The following IKBKB variants were observed in gnomAD, a reference collection of about 807,000 sequenced individuals.
The protein encoded by IKBKB is inhibitor of nuclear factor kappa-B kinase subunit beta.
A neutral mutation model predicts 113.6 loss-of-function variants in IKBKB; 42 were observed. The observed-to-expected ratio is 0.37, with a 90% confidence interval of 0.29 to 0.48. The LOEUF (loss-of-function observed/expected upper bound fraction) is 0.48. Ranked by LOEUF, IKBKB falls within the 20% of genes least tolerant of loss-of-function variation. The pLI is 0.99. For synonymous variants in IKBKB, 296 were observed against 361.3 expected, an observed-to-expected ratio of 0.82 and a Z score of 2.05; for missense variants, 673 against 939.7, an observed-to-expected ratio of 0.72 and a Z score of 3.71.
At chr8:42,314,279 C>A in intron 8 of IKBKB, 43 bp from the exon 9 acceptor site, 1 of 1,344,992 alleles carries the variant, frequency 7.4e-7, no homozygotes, top group Non-Finnish European at 1.1e-6. Context: ...GTGTCCCCGT[C>A]ATAGCAACGT....
chr8:42,321,678 T>G, intron 16 of IKBKB: 1 of 510,786 alleles, frequency 2.0e-6, no homozygotes, highest in Non-Finnish European at 3.5e-6. Flanking sequence ...CATGCCACCA[T>G]GCTCAGCTAA....
chr8:42,291,071 G>A (rs1395204454), intron 4 of IKBKB, among the ~76,000 whole-genome samples: 3 of 152,226 alleles, frequency 2.0e-5, no homozygotes, highest in Non-Finnish European at 2.9e-5. Context: ...TCACACAGCT[G>A]TAGCAGCAGA....
At chr8:42,307,750 T>C (rs1466408849) in intron 7 of IKBKB, among the ~76,000 whole-genome samples, 3 of 152,096 alleles carry the variant, frequency 2.0e-5, no homozygotes, top group Non-Finnish European at 4.4e-5. Flanking sequence ...GACCCCATGC[T>C]CTAACCAGGA....
At chr8:42,295,640 C>T (rs1004353595) in intron 5 of IKBKB, among the ~76,000 whole-genome samples, 1 of 152,010 alleles carries the variant, frequency 6.6e-6, no homozygotes, top group African/African-American at 2.4e-5. Context: ...CAGAAAACTG[C>T]TTGAACCCAG....
chr8:42,317,336 C>T (rs897766140), intron 11 of IKBKB: 3 of 432,794 alleles, frequency 6.9e-6, no homozygotes, highest in Non-Finnish European at 1.3e-5. Flanking sequence ...GACCTCTGCT[C>T]AAAAAGACCT....
chr8:42,313,597 G>A (rs576057164), intron 8 of IKBKB, among the ~76,000 whole-genome samples: 21 of 152,284 alleles, frequency 1.4e-4, no homozygotes, highest in Non-Finnish European at 2.5e-4. Flanking sequence ...TGTAAATGTC[G>A]TATGCATGCT....
intron 14 of IKBKB, 36 bp downstream of exon 14, chr8:42,319,457 A>G (rs1563358751): frequency 6.3e-7 from 1 of 1,596,048 alleles, no homozygotes; most frequent in Non-Finnish European, 8.6e-7. Flanking sequence ...TAAAGACACC[A>G]TTTTTTTTTC....
chr8:42,290,009 C>T lies in IKBKB; in HGVS notation c.201-147C>T, dbSNP rs1227123980. 8.0e-5 allele frequency: 48 copies of T among 602,252 alleles called. 1 individual carries two copies. The highest frequency in any genetic ancestry group is 6.6e-4 in the South Asian group (33 of 50,144). The allele number at this position is 602,252 out of a possible 1,614,324, so 37.3% of individuals were successfully genotyped here. A position where few individuals can be genotyped will look rare whatever the true frequency, so the allele number is the denominator to read the frequency against. Reference sequence around the variant, plus strand: ...GTGAGCGCCACTGACCCAGGCATTGCGGTTGGCCACCCGTCCTGGGCTCTG... The same window carrying T: ...GTGAGCGCCACTGACCCAGGCATTGTGGTTGGCCACCCGTCCTGGGCTCTG... On this transcript the variant is annotated intron_variant, in intron 3 of 21. Coordinates refer to ENST00000520810, the MANE Select transcript of IKBKB (RefSeq NM_001556.3).
intron 8 of IKBKB, among the ~76,000 whole-genome samples, chr8:42,310,606 T>C (rs1350526771): frequency 2.0e-5 from 3 of 152,212 alleles, no homozygotes; most frequent in Non-Finnish European, 2.9e-5. Context: ...ACTTAAATAG[T>C]ACTGCATAGT....
rs199990196 is a variant in IKBKB at position 42,306,450 on chromosome 8, C to T, written c.567+18C>T. 1 of 1,528,332 alleles carries T rather than the reference C, an allele frequency of 6.5e-7. No individual in the cohort carries two copies. The highest frequency in any genetic ancestry group is 2.3e-5 in the East Asian group (1 of 44,440). The allele number at this position is 1,528,332 out of a possible 1,614,324, so 94.7% of individuals were successfully genotyped here. A position where few individuals can be genotyped will look rare whatever the true frequency, so the allele number is the denominator to read the frequency against. On this transcript the variant is annotated intron_variant, in intron 7 of 21. Coordinates refer to ENST00000520810, the MANE Select transcript of IKBKB (RefSeq NM_001556.3). ...AGTACCTGGTAAGAAGTGGGCCTTG[C>T]CTGTTTGCCTGTCAGCTCCTCCCTG... is the stretch of plus-strand genomic sequence containing the variant.
In IKBKB at chr8:42,318,756, A is replaced by T. The variant is rs1255925887; in HGVS notation, c.1364+81A>T. 5.1e-6 allele frequency: 7 copies of T among 1,374,940 alleles called. No individual in the cohort carries two copies. The East Asian group carries it at 1.7e-4, about 34-fold the overall frequency. 85.2% of individuals were successfully genotyped at this position (1,374,940 alleles called of 1,614,324 possible). ...TTGGCCACAGGGAGGTGGTTGAGGCAGGGACCCAGAAGCAACCGTTATGAG... is the reference window on the plus strand; with the variant it reads ...TTGGCCACAGGGAGGTGGTTGAGGCTGGGACCCAGAAGCAACCGTTATGAG... On this transcript the variant is annotated intron_variant, in intron 13 of 21. Transcript: ENST00000520810.
intron 5 of IKBKB, among the ~76,000 whole-genome samples, chr8:42,302,364 A>T (rs994397759): frequency 1.3e-5 from 2 of 152,196 alleles, no homozygotes; most frequent in South Asian, 2.1e-4. Context: ...CATTAATTGG[A>T]CCTAAGCTGA....
intron 19 of IKBKB, among the ~76,000 whole-genome samples, chr8:42,323,960 A>ATG (rs1820256142): frequency 1.3e-5 from 2 of 152,230 alleles, no homozygotes; most frequent in Admixed American, 1.3e-4. Flanking sequence ...AGACAGAGGC[A>ATG]TGAGTGAGAG....
intron 19 of IKBKB, chr8:42,325,308 C>A (rs1820533527): frequency 7.1e-6 from 7 of 985,394 alleles, no homozygotes; most frequent in Non-Finnish European, 8.4e-6. Flanking sequence ...AGGATGCAAG[C>A]CACAGGAATT....
chr8:42,326,065 C>T lies in IKBKB; in HGVS notation c.2082C>T (p.Ala694=), dbSNP rs188191356. The T allele has an allele frequency of 1.9e-5, 30 of 1,614,228 alleles. No individual in the cohort carries two copies. The African/African-American group carries it at 2.7e-4, about 14-fold the overall frequency. ...AGCTGATGTCTCAGCCCTCCACGGC[C>T]TCCAACAGCTTACCTGAGCCAGCCA... ...PGQLMSQPST[A]SNSLPEPAKK... Residue 694 remains alanine, a synonymous_variant, in exon 20 of 22, where the codon GCC becomes GCT. Coordinates refer to ENST00000520810, the MANE Select transcript of IKBKB (RefSeq NM_001556.3).
At chr8:42,285,413 T>A (rs920898384) in intron 2 of IKBKB, among the ~76,000 whole-genome samples, 5 of 151,938 alleles carry the variant, frequency 3.3e-5, no homozygotes, top group Non-Finnish European at 5.9e-5. Flanking sequence ...AAAAATTAGC[T>A]GGACACAATG....
intron 5 of IKBKB, among the ~76,000 whole-genome samples, chr8:42,301,368 T>C (rs1815179083): frequency 5.3e-5 from 8 of 152,254 alleles, no homozygotes. Context: ...TCTCAATGTC[T>C]CATTTTTCAT....
intron 1 of IKBKB, 32 bp downstream of exon 1, chr8:42,271,501 C>G: frequency 1.3e-6 from 1 of 783,076 alleles, no homozygotes; most frequent in Admixed American, 2.7e-5. Flanking sequence ...GGCCCGGGTG[C>G]CACCTGCAGG....
chr8:42,326,222 A>T, intron 20 of IKBKB, 125 bp downstream of exon 20: 2 of 1,192,384 alleles, frequency 1.7e-6, no homozygotes, highest in Non-Finnish European at 2.3e-6. Flanking sequence ...TGTTTGTTGC[A>T]TCTGCTGGGT....
Sources: allele counts gnomAD v4.1 joint callset (sites outside exome capture counted in the v4.1 genomes callset), GRCh38; gene constraint gnomAD v4.1.1; transcripts MANE v1.5; gene names NCBI Gene and HGNC (gene_info 2026-07-23, HGNC 2026-07-21).